Variants in ELOVL7 observed in about 807,000 individuals in gnomAD.
The protein encoded by ELOVL7 is very long chain fatty acid elongase 7.
A neutral mutation model predicts 35.7 loss-of-function variants in ELOVL7; 27 were observed. The ratio of observed to expected loss-of-function variants is 0.76; its 90% CI spans 0.56 to 1.04. The LOEUF is 1.04. ELOVL7 is among the 50% of genes least tolerant of loss of function. The pLI is 0.00. For synonymous variants in ELOVL7, 113 were observed against 114.6 expected, an observed-to-expected ratio of 0.99 and a Z score of 0.09; for missense variants, 327 against 340.8, an observed-to-expected ratio of 0.96 and a Z score of 0.32.
At chr5:60,796,096 G>A (rs1744246636) in intron 2 of ELOVL7, among the ~76,000 whole-genome samples, 1 of 152,166 alleles carries the variant, frequency 6.6e-6, no homozygotes, top group Admixed American at 6.5e-5. Flanking sequence ...AAAAATCCCT[G>A]AGATAAGTAA....
chr5:60,822,927 T>C (rs1745968951), intron 1 of ELOVL7, among the ~76,000 whole-genome samples: 6 of 152,172 alleles, frequency 3.9e-5, no homozygotes, highest in Admixed American at 1.3e-4. Flanking sequence ...TCAGCCAACC[T>C]GGAAGCCTCT....
At chr5:60,798,841 G>A (rs899394996) in intron 2 of ELOVL7, among the ~76,000 whole-genome samples, 2 of 152,112 alleles carry the variant, frequency 1.3e-5, no homozygotes, top group Non-Finnish European at 1.5e-5. Context: ...CTTGAAGTAC[G>A]CGTTAGACTA....
chr5:60,804,416 C>T (rs968722282), intron 1 of ELOVL7, among the ~76,000 whole-genome samples: 9 of 152,090 alleles, frequency 5.9e-5, no homozygotes, highest in African/African-American at 2.2e-4. Flanking sequence ...CGTATAAGCT[C>T]AGTGCTAGGC....
intron 3 of ELOVL7, among the ~76,000 whole-genome samples, chr5:60,773,030 A>G (rs1742692805): frequency 6.6e-6 from 1 of 152,200 alleles, no homozygotes; most frequent in Admixed American, 6.5e-5. Flanking sequence ...TCTGAGCAAA[A>G]AAAATGCACG....
At chr5:60,807,991 T>TAAAAAAAAAA (rs1214886092) in intron 1 of ELOVL7, among the ~76,000 whole-genome samples, 1 of 15,866 alleles carries the variant, frequency 6.3e-5, no homozygotes, top group Non-Finnish European at 1.2e-4. Context: ...AGACTCCGTC[T>TAAAAAAAAAA]CAAAAAAAAA....
intron 1 of ELOVL7, among the ~76,000 whole-genome samples, chr5:60,817,444 T>C (rs1745576535): frequency 6.6e-6 from 1 of 151,542 alleles, no homozygotes; most frequent in Non-Finnish European, 1.5e-5. Flanking sequence ...TAACACACTT[T>C]GTTAGTCAAA....
chr5:60,778,852 C>G (rs564049517), intron 3 of ELOVL7, among the ~76,000 whole-genome samples: 2 of 152,202 alleles, frequency 1.3e-5, no homozygotes, highest in South Asian at 4.1e-4. Context: ...AAGGCAAGTC[C>G]CTTCTGCCTA....
At chr5:60,798,996 C>A (rs1358002116) in intron 2 of ELOVL7, among the ~76,000 whole-genome samples, 184 bp downstream of exon 2, 1 of 152,142 alleles carries the variant, frequency 6.6e-6, no homozygotes, top group Non-Finnish European at 1.5e-5. Flanking sequence ...TGACTAAAAT[C>A]ATATCAAGCA....
chr5:60,790,438 C>T (rs535486872), intron 2 of ELOVL7, among the ~76,000 whole-genome samples: 4 of 152,138 alleles, frequency 2.6e-5, no homozygotes, highest in Non-Finnish European at 4.4e-5. Context: ...TATACAAATA[C>T]ACATATGCAG....
At chr5:60,795,055 G>A (rs1227999852) in intron 2 of ELOVL7, among the ~76,000 whole-genome samples, 3 of 152,166 alleles carry the variant, frequency 2.0e-5, no homozygotes, top group Admixed American at 6.5e-5. Context: ...AATAAAGAAC[G>A]GATCAGAACA....
intron 3 of ELOVL7, among the ~76,000 whole-genome samples, chr5:60,784,472 T>C (rs1743446840): frequency 6.6e-6 from 1 of 152,226 alleles, no homozygotes; most frequent in Non-Finnish European, 1.5e-5. Context: ...ATAAATCCTC[T>C]TATAGCTAAG....
intron 3 of ELOVL7, among the ~76,000 whole-genome samples, chr5:60,775,571 T>G (rs1230510048): frequency 6.6e-6 from 1 of 152,276 alleles, no homozygotes; most frequent in East Asian, 1.9e-4. Context: ...TTATCTTACT[T>G]CAAACTGTAC....
intron 7 of ELOVL7, among the ~76,000 whole-genome samples, chr5:60,763,225 C>T (rs1287124724): frequency 1.3e-5 from 2 of 152,166 alleles, no homozygotes; most frequent in Non-Finnish European, 2.9e-5. Flanking sequence ...GCCATGGTAG[C>T]GACAGCTGTT....
chr5:60,831,531 A>G (rs1746478235), intron 1 of ELOVL7, among the ~76,000 whole-genome samples: 1 of 152,226 alleles, frequency 6.6e-6, no homozygotes, highest in South Asian at 2.1e-4. Flanking sequence ...TATTGTATAC[A>G]TCATCAGGAG....
chr5:60,819,397 G>T (rs1745755399), intron 1 of ELOVL7, among the ~76,000 whole-genome samples: 1 of 152,050 alleles, frequency 6.6e-6, no homozygotes, highest in Admixed American at 6.5e-5. Context: ...GATCTATCTC[G>T]GTTCCCATTC....
At chr5:60,765,839 A>G (rs1226129654) in intron 6 of ELOVL7, among the ~76,000 whole-genome samples, 1 of 152,226 alleles carries the variant, frequency 6.6e-6, no homozygotes, top group Non-Finnish European at 1.5e-5. Context: ...ATTCCAAAGA[A>G]AACACACTTT....
At position 60,782,983 on chromosome 5, in the gene ELOVL7, T is replaced by C. The variant is rs560731999; in HGVS notation, c.64+4351A>G. Among the ~76,000 whole-genome samples, 4 of 152,372 alleles carry C rather than the reference T, an allele frequency of 2.6e-5. 1 individual carries two copies. Among genetic ancestry groups the C allele is most frequent in the Admixed American group, 2.6e-4 (4 of 15,304 alleles). On this transcript the variant is annotated intron_variant, in intron 3 of 8. Transcript: ENST00000508821. ...AGTATTTGGTGATGGATATGCTATTTGGATTGATTTAATCATTTTATATTG... is the reference window on the plus strand; with the variant it reads ...AGTATTTGGTGATGGATATGCTATTCGGATTGATTTAATCATTTTATATTG...
chr5:60,806,791 T>C (rs1272444055), intron 1 of ELOVL7, among the ~76,000 whole-genome samples: 2 of 152,112 alleles, frequency 1.3e-5, no homozygotes, highest in Non-Finnish European at 2.9e-5. Context: ...ACACCCATGC[T>C]GGGGAAATAG....
chr5:60,781,974 C>T (rs2112219094), intron 3 of ELOVL7, among the ~76,000 whole-genome samples: 1 of 152,334 alleles, frequency 6.6e-6, no homozygotes, highest in Non-Finnish European at 1.5e-5. Flanking sequence ...ATTCTGTTAG[C>T]ACAGCCAAAT....
Sources: allele counts gnomAD v4.1 joint callset (sites outside exome capture counted in the v4.1 genomes callset), GRCh38; gene constraint gnomAD v4.1.1; transcripts MANE v1.5; gene names NCBI Gene and HGNC (gene_info 2026-07-23, HGNC 2026-07-21).